The following FHIT variants were observed in gnomAD, a reference collection of about 807,000 sequenced individuals.
FHIT encodes bis(5'-adenosyl)-triphosphatase.
A neutral mutation model predicts 17.9 loss-of-function variants in FHIT; 19 were observed. That is an observed-to-expected ratio of 1.06 (90% CI 0.74 to 1.56). The LOEUF (loss-of-function observed/expected upper bound fraction) is 1.56. FHIT is among the 40% of genes most tolerant of loss of function. FHIT has a pLI of 0.00. For missense variants in FHIT, 248 were observed against 189.2 expected (o/e 1.31, Z -1.82); for synonymous variants, 81 against 69.7 (o/e 1.16, Z -0.81).
At chr3:60,712,632 C>G (rs534117792) in intron 4 of FHIT, among the ~76,000 whole-genome samples, 2 of 152,224 alleles carry the variant, frequency 1.3e-5, no homozygotes, top group African/African-American at 4.8e-5. Flanking sequence ...CAATCCTACT[C>G]TCTGATAAAA....
chr3:61,183,922 A>G (rs2038423209), intron 2 of FHIT, among the ~76,000 whole-genome samples: 1 of 151,780 alleles, frequency 6.6e-6, no homozygotes, highest in Admixed American at 6.6e-5. Flanking sequence ...TCTCAAATGT[A>G]TCCTGGGTTG....
In FHIT at chr3:61,242,182, A is replaced by T. The variant is rs35005491; in HGVS notation, c.-213+9119T>A. 9.8e-3 allele frequency among the ~76,000 whole-genome samples: 1,485 copies of T among 152,300 alleles called. 14 individuals are homozygous for T. The highest frequency in any genetic ancestry group is 0.027 in the Middle Eastern group (8 of 294). On this transcript the variant is annotated intron_variant, in intron 1 of 9. Transcript: ENST00000492590. ...GTCAGAAAAACAACTTTCCAAAGGA[A>T]AGGGTCTGAAAGGGGATCAGAATAT...
intron 3 of FHIT, among the ~76,000 whole-genome samples, chr3:60,987,611 G>A (rs1232160280): frequency 6.6e-6 from 1 of 152,180 alleles, no homozygotes; most frequent in Non-Finnish European, 1.5e-5. Context: ...TGAGACCCCT[G>A]ATTTCCCACT....
At chr3:61,236,083 G>A (rs2040223266) in intron 1 of FHIT, among the ~76,000 whole-genome samples, 1 of 151,282 alleles carries the variant, frequency 6.6e-6, no homozygotes, top group African/African-American at 2.4e-5. Context: ...GAAAACTGTG[G>A]TATAAAGAGC....
chr3:60,473,633 C>A (rs901134433), intron 5 of FHIT, among the ~76,000 whole-genome samples: 20 of 152,062 alleles, frequency 1.3e-4, no homozygotes, highest in African/African-American at 4.8e-5. Context: ...GAAAACTTAA[C>A]CTCAGCTGGG....
In FHIT at chr3:60,658,949, A is replaced by G. The variant is rs112034441; in HGVS notation, c.-17-121970T>C. Among the ~76,000 whole-genome samples, 609 of 150,380 alleles carry G rather than the reference A, an allele frequency of 4.0e-3. 8 individuals carry two copies. The highest frequency in any genetic ancestry group is 6.8e-3 in the Non-Finnish European group (460 of 67,870). ...CTTACAGAGCATGTGTAGTGGTAAT[A>G]AACTTCCTCAGCTTTTTTTTTTTTT... On this transcript the variant is annotated intron_variant, in intron 4 of 9. Transcript: ENST00000492590.
chr3:60,360,076 T>C (rs972274427), intron 5 of FHIT, among the ~76,000 whole-genome samples: 2 of 151,580 alleles, frequency 1.3e-5, no homozygotes, highest in African/African-American at 4.8e-5. Context: ...GTTTGAAAGT[T>C]CCCCATTAGG....
chr3:61,247,970 G>A (rs568001678), intron 1 of FHIT, among the ~76,000 whole-genome samples: 3 of 152,268 alleles, frequency 2.0e-5, no homozygotes, highest in East Asian at 3.9e-4. Flanking sequence ...TGGGTCCCCA[G>A]ACAACCCCTC....
At chr3:60,983,899 G>A (rs1383965611) in intron 3 of FHIT, among the ~76,000 whole-genome samples, 1 of 152,048 alleles carries the variant, frequency 6.6e-6, no homozygotes, top group Non-Finnish European at 1.5e-5. Flanking sequence ...CATCACAACA[G>A]TAATGCAAAT....
At chr3:61,046,041 A>G (rs972137710) in intron 2 of FHIT, among the ~76,000 whole-genome samples, 4 of 152,230 alleles carry the variant, frequency 2.6e-5, no homozygotes, top group Non-Finnish European at 5.9e-5. Context: ...AAAACAGGAA[A>G]AACCTAAAGT....
At chr3:60,451,642 T>A (rs1243279867) in intron 5 of FHIT, among the ~76,000 whole-genome samples, 1 of 152,168 alleles carries the variant, frequency 6.6e-6, no homozygotes, top group Non-Finnish European at 1.5e-5. Context: ...AGAATATAAG[T>A]ATCTACGGAA....
intron 8 of FHIT, among the ~76,000 whole-genome samples, chr3:59,896,652 CT>C (rs1704085887): frequency 6.6e-6 from 1 of 152,102 alleles, no homozygotes; most frequent in Non-Finnish European, 1.5e-5. Flanking sequence ...TTTACTAATT[CT>C]TAATACATAA....
intron 2 of FHIT, among the ~76,000 whole-genome samples, chr3:61,187,103 C>T (rs950118892): frequency 6.6e-6 from 1 of 152,104 alleles, no homozygotes; most frequent in Non-Finnish European, 1.5e-5. Context: ...TACAGAAGAT[C>T]AATAGTATTG....
intron 2 of FHIT, among the ~76,000 whole-genome samples, chr3:61,094,829 A>T (rs1156958158): frequency 2.0e-5 from 3 of 152,214 alleles, no homozygotes; most frequent in Admixed American, 6.5e-5. Context: ...GGACAAAGGG[A>T]TGATTCACTT....
intron 8 of FHIT, among the ~76,000 whole-genome samples, chr3:59,790,398 G>A (rs1458112026): frequency 1.3e-5 from 2 of 152,092 alleles, no homozygotes; most frequent in African/African-American, 4.8e-5. Flanking sequence ...GGAAAAGGAG[G>A]CATTTTAAGG....
intron 5 of FHIT, among the ~76,000 whole-genome samples, chr3:60,269,764 T>C (rs1576397134): frequency 6.6e-6 from 1 of 152,276 alleles, no homozygotes; most frequent in East Asian, 1.9e-4. Context: ...CAGATAGAAA[T>C]GTTGGAACAA....
intron 4 of FHIT, among the ~76,000 whole-genome samples, chr3:60,550,678 G>A (rs554848641): frequency 3.4e-5 from 5 of 148,114 alleles, no homozygotes; most frequent in African/African-American, 1.2e-4. Flanking sequence ...TTTCTTCCCT[G>A]TCTCCTAAAA....
intron 5 of FHIT, among the ~76,000 whole-genome samples, chr3:60,457,826 GA>G (rs1243526001): frequency 2.0e-5 from 3 of 151,880 alleles, no homozygotes; most frequent in South Asian, 2.1e-4. Context: ...AAAGACACGT[GA>G]AAAAACGCTC....
chr3:61,197,740 T>C (rs1022698345), intron 2 of FHIT, among the ~76,000 whole-genome samples: 1 of 152,158 alleles, frequency 6.6e-6, no homozygotes, highest in Non-Finnish European at 1.5e-5. Flanking sequence ...CCTGTTGTGT[T>C]TGGGGTTGCT....
Sources: gnomAD v4.1 joint callset for allele counts (sites outside exome capture counted in the v4.1 genomes callset) on GRCh38, gnomAD v4.1.1 for gene constraint, MANE v1.5 for transcripts, NCBI Gene and HGNC (gene_info 2026-07-23, HGNC 2026-07-21) for gene names.